SPHK1: variants seen among roughly 807,000 people sequenced by gnomAD.
The protein encoded by SPHK1 is SK 1.
Under a neutral mutation model 14.6 loss-of-function variants are expected in SPHK1, and 10 were observed. That is an observed-to-expected ratio of 0.68 (90% CI 0.42 to 1.16). The LOEUF (loss-of-function observed/expected upper bound fraction) is 1.16. SPHK1 is among the 50% of genes most tolerant of loss of function. SPHK1 has a pLI of 0.00. For synonymous variants in SPHK1, 274 were observed against 224.0 expected (o/e 1.22, Z -1.99); for missense variants, 553 against 525.4 (o/e 1.05, Z -0.51).
At chr17:76,383,462 G>C (rs993322931), upstream of SPHK1, 1 of 183,742 alleles carries the variant, frequency 5.4e-6, no homozygotes, top group African/African-American at 2.4e-5. Flanking sequence ...TCAGGGCGCC[G>C]CCCGGCTAAT....
Position 76,386,185 on chromosome 17 carries a change from C to T in SPHK1, c.164-36C>T. Reference sequence around the variant, plus strand: ...TTCGGGAGCATCCCCTGGCAGGGGACCCCCCCAGTCCTGATAGCTGCCGGT... The same window carrying T: ...TTCGGGAGCATCCCCTGGCAGGGGATCCCCCCAGTCCTGATAGCTGCCGGT... On this transcript the variant is annotated intron_variant, in intron 3 of 5. Transcript: ENST00000592299. This position sits in a 1 kb window ranked among gnomAD's most constrained non-coding sequence, Gnocchi z 5.3. The T allele has an allele frequency of 6.3e-7, 1 of 1,584,548 alleles. No individual in the cohort carries two copies. Among genetic ancestry groups the T allele is most frequent in the South Asian group, 1.1e-5 (1 of 89,954 alleles).
In SPHK1 at chr17:76,386,906, TC is replaced by T. The variant is rs1806525681; in HGVS notation, c.476del (p.Ser159TrpfsTer21). The T allele has an allele frequency of 2.5e-6, 4 of 1,612,470 alleles. No homozygotes were observed. The highest frequency in any genetic ancestry group is 3.4e-6 in the Non-Finnish European group (4 of 1,179,224). ...GAACCTGCTGTCTCTGCACACGGCTTCGGGGCTGCGCCTCTTCTCTGTGCTC... is the reference window on the plus strand; with the variant it reads ...GAACCTGCTGTCTCTGCACACGGCTTGGGGCTGCGCCTCTTCTCTGTGCTC... The part of the protein sequence containing the change: ...PMNLLSLHTA[S>X]GLRLFSVLSL... On this transcript the variant is annotated frameshift_variant, in exon 6 of 6. Transcript: ENST00000592299. LOFTEE classifies it low-confidence loss of function (END_TRUNC). This position sits in a 1 kb window ranked among gnomAD's most constrained non-coding sequence, Gnocchi z 5.3.
At position 76,387,755 on chromosome 17, in the gene SPHK1, C is replaced by T. The variant is rs1002636858; in HGVS notation, c.*169C>T. The T allele has an allele frequency of 5.0e-6, 4 of 797,952 alleles. No homozygotes were observed. In the African/African-American group the frequency reaches 5.2e-5, roughly 10 times the overall value. The allele number at this position is 797,952 out of a possible 1,614,324, so 49.4% of individuals were successfully genotyped here. On this transcript the variant is annotated 3_prime_UTR_variant, in exon 6 of 6. Coordinates refer to ENST00000592299, the MANE Select transcript of SPHK1 (RefSeq NM_001142601.2). The surrounding 1 kb of genome is among the most constrained non-coding windows in gnomAD (Gnocchi z 4.1). Reference sequence around the variant, plus strand: ...GACAGGCCAGAATGAAGTCCTGGGTCAGGAGCCCAGCTGGCTGGGCCCAGC... The same window carrying T: ...GACAGGCCAGAATGAAGTCCTGGGTTAGGAGCCCAGCTGGCTGGGCCCAGC...
In SPHK1 at chr17:76,386,801, T is replaced by C; in HGVS notation, c.375-5T>C. On this transcript the variant is annotated splice_polypyrimidine_tract_variant and splice_region_variant and intron_variant, in intron 5 of 5. Transcript: ENST00000592299. This position sits in a 1 kb window ranked among gnomAD's most constrained non-coding sequence, Gnocchi z 5.3. ...CCTGCCTTATCTGACTTTTTCCCCC[T>C]GCAGCTATGAGCAGGTCACCAATGA... 5.2e-6 allele frequency: 8 copies of C among 1,533,088 alleles called. No individual in the cohort carries two copies. The highest frequency in any genetic ancestry group is 7.0e-6 in the Non-Finnish European group (8 of 1,139,268). The allele number at this position is 1,533,088 out of a possible 1,614,324, so 95.0% of individuals were successfully genotyped here. A position where few individuals can be genotyped will look rare whatever the true frequency, so the allele number is the denominator to read the frequency against.
In SPHK1 at chr17:76,385,153, C is replaced by A. The variant is rs368428286; in HGVS notation, c.-194-298C>A. ...TTTTACGCAGCTGGACTCCCCTCCC[C>A]CTGGCAGCCCCGAGGGGTGAGGAGC... On this transcript the variant is annotated intron_variant, in intron 1 of 5. Coordinates refer to ENST00000592299, the MANE Select transcript of SPHK1 (RefSeq NM_001142601.2). The surrounding 1 kb of genome is among the most constrained non-coding windows in gnomAD (Gnocchi z 5.3). 1.3e-6 allele frequency: 2 copies of A among 1,595,106 alleles called. No individual in the cohort carries two copies. The highest frequency in any genetic ancestry group is 8.5e-7 in the Non-Finnish European group (1 of 1,172,250).
Position 76,385,455 on chromosome 17 carries a change from A to G in SPHK1, c.-190A>G, listed in dbSNP as rs1427680268. On this transcript the variant is annotated 5_prime_UTR_variant, in exon 2 of 6. Transcript: ENST00000592299. The surrounding 1 kb of genome is among the most constrained non-coding windows in gnomAD (Gnocchi z 5.3). ...GCGCTGTCTTCTCTCCCTCAGGTCC[A>G]GCCGCCGCAGGGAATGACGCCGGTG... The G allele has an allele frequency of 2.6e-6, 4 of 1,545,518 alleles. No homozygotes were observed. The highest frequency in any genetic ancestry group is 3.5e-6 in the Non-Finnish European group (4 of 1,153,214).
chr17:76,385,975 G>GT lies in SPHK1; in HGVS notation c.11-6dup. ...TTGCGGACGTGGCCTCTTTGGTTTT[G>GT]TTTTCTCAGCGGGCGGCCCCCGGGG... On this transcript the variant is annotated splice_polypyrimidine_tract_variant and intron_variant, in intron 2 of 5. Coordinates refer to ENST00000592299, the MANE Select transcript of SPHK1 (RefSeq NM_001142601.2). This position sits in a 1 kb window ranked among gnomAD's most constrained non-coding sequence, Gnocchi z 5.3. 6.3e-7 allele frequency: 1 copy of GT among 1,592,900 alleles called. No individual in the cohort carries two copies. The highest frequency in any genetic ancestry group is 8.6e-7 in the Non-Finnish European group (1 of 1,168,372).
upstream of SPHK1, chr17:76,383,723 A>G: frequency 2.9e-6 from 2 of 694,504 alleles, no homozygotes; most frequent in Non-Finnish European, 2.2e-6. Flanking sequence ...GCTTGCCGCG[A>G]TAAGTGTATC....
chr17:76,387,048 A>C lies in SPHK1; in HGVS notation c.617A>C (p.Tyr206Ser). ...TFLRLAALRT[Y>S]RGRLAYLPVG... The stretch of plus-strand genomic sequence containing the variant: ...CTGCGTCTGGCAGCCCTGCGCACCT[A>C]CCGCGGCCGACTGGCCTACCTCCCT... Residue 206 changes from tyrosine (Y) to serine (S), a missense_variant, in exon 6 of 6, where the codon TAC (tyrosine) becomes TCC (serine). Physicochemically the swap from Tyr to Ser is moderately radical, Grantham distance 144 (BLOSUM62 -2). Coordinates refer to ENST00000592299, the MANE Select transcript of SPHK1 (RefSeq NM_001142601.2). This position sits in a 1 kb window ranked among gnomAD's most constrained non-coding sequence, Gnocchi z 4.1. The C allele has an allele frequency of 6.2e-7, 1 of 1,613,474 alleles. No homozygotes were observed. Among genetic ancestry groups the C allele is most frequent in the Non-Finnish European group, 8.5e-7 (1 of 1,180,040 alleles).
Position 76,387,294 on chromosome 17 carries a change from T to C in SPHK1, c.863T>C (p.Phe288Ser). ...TGTGCAGCTGGCGTCATGCATCTGT[T>C]CTACGTGCGGGCGGGAGTGTCTCGT... The part of the protein sequence containing the change: ...GRCAAGVMHL[F>S]YVRAGVSRAM... Residue 288 changes from phenylalanine to serine, a missense_variant, in exon 6 of 6, where the codon TTC (phenylalanine) becomes TCC (serine). Coordinates refer to ENST00000592299, the MANE Select transcript of SPHK1 (RefSeq NM_001142601.2). This position sits in a 1 kb window ranked among gnomAD's most constrained non-coding sequence, Gnocchi z 4.1. 6.2e-7 allele frequency: 1 copy of C among 1,613,568 alleles called. No homozygotes were observed. The highest frequency in any genetic ancestry group is 8.5e-7 in the Non-Finnish European group (1 of 1,179,956).
Position 76,385,594 on chromosome 17 carries a change from G to A in SPHK1, c.-51G>A, listed in dbSNP as rs2071957433. 6.5e-7 allele frequency: 1 copy of A among 1,539,978 alleles called. No homozygotes were observed. Among genetic ancestry groups the A allele is most frequent in the Non-Finnish European group, 8.7e-7 (1 of 1,148,764 alleles). The stretch of plus-strand genomic sequence containing the variant: ...GGCAGGAGCCGCCGCCACGGGCAGC[G>A]CCCCCACAGCGCCAGGGACCCCCTG... On this transcript the variant is annotated 5_prime_UTR_variant, in exon 2 of 6. Transcript: ENST00000592299. This position sits in a 1 kb window ranked among gnomAD's most constrained non-coding sequence, Gnocchi z 5.3.
rs1306494285 is a variant in SPHK1, at chr17:76,385,603, G to A, written c.-42G>A. The A allele has an allele frequency of 6.5e-7, 1 of 1,540,414 alleles. No homozygotes were observed. Among genetic ancestry groups the A allele is most frequent in the South Asian group, 1.2e-5 (1 of 84,410 alleles). On this transcript the variant is annotated 5_prime_UTR_variant, in exon 2 of 6. Transcript: ENST00000592299. The surrounding 1 kb of genome is among the most constrained non-coding windows in gnomAD (Gnocchi z 5.3). ...CGCCGCCACGGGCAGCGCCCCCACAGCGCCAGGGACCCCCTGGCAGCGGGA... is the reference window on the plus strand; with the variant it reads ...CGCCGCCACGGGCAGCGCCCCCACAACGCCAGGGACCCCCTGGCAGCGGGA...
chr17:76,385,067 C>T lies in SPHK1; in HGVS notation c.-195+261C>T. The T allele has an allele frequency of 6.5e-7, 1 of 1,545,172 alleles. No homozygotes were observed. The highest frequency in any genetic ancestry group is 8.7e-7 in the Non-Finnish European group (1 of 1,144,652). On this transcript the variant is annotated intron_variant, in intron 1 of 5. Coordinates refer to ENST00000592299, the MANE Select transcript of SPHK1 (RefSeq NM_001142601.2). This position sits in a 1 kb window ranked among gnomAD's most constrained non-coding sequence, Gnocchi z 5.3. ...GCAGGGGACACGGCAACCTGGATGG[C>T]TGGGGCAGGGATCCTCTCCCAGAAC...
In SPHK1 at chr17:76,385,423, T is replaced by G. The variant is rs1358530847; in HGVS notation, c.-194-28T>G. On this transcript the variant is annotated intron_variant, in intron 1 of 5. Coordinates refer to ENST00000592299, the MANE Select transcript of SPHK1 (RefSeq NM_001142601.2). This position sits in a 1 kb window ranked among gnomAD's most constrained non-coding sequence, Gnocchi z 5.3. The stretch of plus-strand genomic sequence containing the variant: ...ACCTCTGGCAGCTGCGGCCCCGGAC[T>G]CCGCCAGCGCTGTCTTCTCTCCCTC... The G allele has an allele frequency of 1.2e-5, 18 of 1,494,176 alleles. No individual in the cohort carries two copies. The highest frequency in any genetic ancestry group is 1.5e-5 in the Non-Finnish European group (17 of 1,125,570). The allele number at this position is 1,494,176 out of a possible 1,614,324, so 92.6% of individuals were successfully genotyped here.
upstream of SPHK1, chr17:76,383,873 G>A (rs1057447396): frequency 7.8e-6 from 10 of 1,275,622 alleles, no homozygotes; most frequent in Non-Finnish European, 1.0e-5. Flanking sequence ...AATCCCGACG[G>A]GGGCCCCCAG....
At position 76,386,505 on chromosome 17, in the gene SPHK1, C is replaced by T; in HGVS notation, c.371C>T (p.Ala124Val). The T allele has an allele frequency of 1.2e-6, 2 of 1,611,360 alleles. No individual in the cohort carries two copies. Among genetic ancestry groups the T allele is most frequent in the South Asian group, 1.1e-5 (1 of 91,012 alleles). ...NALAASLNHY[A>V]GYEQVTNEDL... ...CTGGCAGCTTCCTTGAACCATTATG[C>T]TGGGTGAGAGCCCAGGGCCAGAGTA... is the stretch of plus-strand genomic sequence containing the variant. The change falls in exon 5 of 6, where the codon GCT (alanine) becomes GTT (valine). Residue 124 changes from alanine (A) to valine (V), a missense_variant. By Grantham distance (64) the Ala-to-Val change is moderately conservative (BLOSUM62 0). Coordinates refer to ENST00000592299, the MANE Select transcript of SPHK1 (RefSeq NM_001142601.2). This position sits in a 1 kb window ranked among gnomAD's most constrained non-coding sequence, Gnocchi z 5.3.
At chr17:76,384,126 C>A (rs546322361), upstream of SPHK1, 1 of 195,132 alleles carries the variant, frequency 5.1e-6, no homozygotes, top group African/African-American at 2.4e-5. Context: ...TTCGGGTGGG[C>A]TAGGGCAGAG....
At chr17:76,384,050 C>CT (rs2071914792), upstream of SPHK1, 1 of 335,334 alleles carries the variant, frequency 3.0e-6, no homozygotes, top group African/African-American at 2.3e-5. Context: ...AAGAGGGAAG[C>CT]TGGTGGGCGG....
Position 76,385,500 on chromosome 17 carries a change from G to C in SPHK1, c.-145G>C, listed in dbSNP as rs2071953560. On this transcript the variant is annotated 5_prime_UTR_variant, in exon 2 of 6. Transcript: ENST00000592299. This position sits in a 1 kb window ranked among gnomAD's most constrained non-coding sequence, Gnocchi z 5.3. ...CCGGTGCTCCTGCAGCCACGGCTCC[G>C]GGCGGGGAAGGCGAGCCCCACAGCC... The C allele has an allele frequency of 3.2e-6, 5 of 1,554,220 alleles. No individual in the cohort carries two copies. In the African/African-American group the frequency reaches 4.1e-5, roughly 13 times the overall value.
Sources: allele counts gnomAD v4.1 joint callset, GRCh38; gene constraint gnomAD v4.1.1; non-coding constraint Gnocchi (gnomAD v3.1); transcripts MANE v1.5; gene names NCBI Gene and HGNC (gene_info 2026-07-23, HGNC 2026-07-21).